Variants in TBC1D4 observed in about 807,000 individuals in gnomAD.
The protein encoded by TBC1D4 is TBC1 domain family member 4.
Under a neutral mutation model 142.5 loss-of-function variants are expected in TBC1D4, and 121 were observed. That is an observed-to-expected ratio of 0.85 (90% confidence interval 0.73 to 0.99). TBC1D4 has a LOEUF of 0.99. Among genes scored for constraint, TBC1D4 ranks in the 50% least tolerant of loss-of-function variants. The probability of loss-of-function intolerance (pLI) is 0.00; values close to 1 mark genes in which losing one functional copy is unlikely to be tolerated. For missense variants in TBC1D4, 1,475 were observed against 1,606.6 expected (o/e 0.92, Z 1.40); for synonymous variants, 630 against 628.2 (o/e 1.00, Z -0.04).
intron 1 of TBC1D4, among the ~76,000 whole-genome samples, chr13:75,420,680 C>A (rs1219530613): frequency 6.6e-6 from 1 of 152,162 alleles, no homozygotes; most frequent in Non-Finnish European, 1.5e-5. Context: ...TTTCAAATAA[C>A]CCCACACAAT....
At chr13:75,384,424 C>T (rs1884052838) in intron 1 of TBC1D4, among the ~76,000 whole-genome samples, 2 of 152,096 alleles carry the variant, frequency 1.3e-5, no homozygotes, top group African/African-American at 4.8e-5. Flanking sequence ...GAGCGAGACT[C>T]CATCTCAAAA....
At chr13:75,366,823 C>T (rs1450231034) in intron 1 of TBC1D4, 1 of 535,042 alleles carries the variant, frequency 1.9e-6, no homozygotes, top group African/African-American at 2.1e-5. Context: ...CAAAATAAAA[C>T]AAATTCTACA....
rs1224388955 is a variant in TBC1D4 at position 75,393,564 on chromosome 13, A to G, written c.499-30957T>C. On this transcript the variant is annotated intron_variant, in intron 1 of 20. Transcript: ENST00000377636. ...AGCAAATTTTTCAGTGCAACAATAC[A>G]GCGGTTTAGAGTTACCCAGACCTGA... Among the ~76,000 whole-genome samples the G allele has an allele frequency of 2.6e-5, 4 of 152,192 alleles. No individual in the cohort carries two copies. In the East Asian group the frequency reaches 7.7e-4, roughly 29 times the overall value.
At chr13:75,290,754 A>T (rs190163581) in intron 19 of TBC1D4, among the ~76,000 whole-genome samples, 24 of 152,300 alleles carry the variant, frequency 1.6e-4, no homozygotes, top group African/African-American at 5.3e-4. Flanking sequence ...CATATTGGTT[A>T]TATTTGCTCC....
Position 75,286,639 on chromosome 13 carries a change from G to A in TBC1D4, c.*153C>T, listed in dbSNP as rs2137812703. ...TGGCTTAGGATTGGCATGCTCTGAT[G>A]AGCACGAGGTCCACCTGCTGTGACT... On this transcript the variant is annotated 3_prime_UTR_variant, in exon 21 of 21. Coordinates refer to ENST00000377636, the MANE Select transcript of TBC1D4 (RefSeq NM_014832.5). 1.3e-6 allele frequency: 1 copy of A among 745,476 alleles called. No homozygotes were observed. Among genetic ancestry groups the A allele is most frequent in the Non-Finnish European group, 2.3e-6 (1 of 435,056 alleles). 46.2% of individuals were successfully genotyped at this position (745,476 alleles called of 1,614,324 possible). A position where few individuals can be genotyped will look rare whatever the true frequency, so the allele number is the denominator to read the frequency against.
chr13:75,289,969 G>T (rs1875114129), intron 19 of TBC1D4, among the ~76,000 whole-genome samples: 1 of 152,108 alleles, frequency 6.6e-6, no homozygotes, highest in Non-Finnish European at 1.5e-5. Context: ...TTTAATAAGA[G>T]AATTTCTAGA....
intron 12 of TBC1D4, 108 bp from the exon 13 acceptor site, chr13:75,313,006 C>G: frequency 8.0e-7 from 1 of 1,254,778 alleles, no homozygotes; most frequent in Non-Finnish European, 1.1e-6. Context: ...CGGGCAAGCA[C>G]AAGCCACAGG....
chr13:75,289,835 G>A lies in TBC1D4; in HGVS notation c.3487-725C>T, dbSNP rs61960550. Among the ~76,000 whole-genome samples, 245 of 152,256 alleles carry A rather than the reference G, an allele frequency of 1.6e-3. 3 individuals carry two copies. Among genetic ancestry groups the A allele is most frequent in the Non-Finnish European group, 7.5e-4 (51 of 68,018 alleles). ...ACAGTTACTCCAAACTTCCTAGGGGGAAGGAGAGACAACAGCTGCTATTCA... is the reference window on the plus strand; with the variant it reads ...ACAGTTACTCCAAACTTCCTAGGGGAAAGGAGAGACAACAGCTGCTATTCA... On this transcript the variant is annotated intron_variant, in intron 19 of 20. Coordinates refer to ENST00000377636, the MANE Select transcript of TBC1D4 (RefSeq NM_014832.5).
chr13:75,331,804 C>T (rs976520965), intron 8 of TBC1D4, among the ~76,000 whole-genome samples: 4 of 147,798 alleles, frequency 2.7e-5, no homozygotes, highest in Non-Finnish European at 6.0e-5. Context: ...GAGCTAAACT[C>T]CAAAACTGGA....
intron 17 of TBC1D4, among the ~76,000 whole-genome samples, chr13:75,298,744 T>C (rs958067397): frequency 6.6e-6 from 1 of 151,388 alleles, no homozygotes; most frequent in African/African-American, 2.4e-5. Flanking sequence ...CAAAGCAAGA[T>C]TCCATCACAC....
chr13:75,440,971 G>A (rs904735735), intron 1 of TBC1D4, among the ~76,000 whole-genome samples: 1 of 152,068 alleles, frequency 6.6e-6, no homozygotes, highest in African/African-American at 2.4e-5. Flanking sequence ...TTAAAAAAGA[G>A]GACAGGCCAG....
At chr13:75,323,081 T>G (rs895326977) in intron 11 of TBC1D4, among the ~76,000 whole-genome samples, 1 of 152,144 alleles carries the variant, frequency 6.6e-6, no homozygotes, top group African/African-American at 2.4e-5. Flanking sequence ...CAAGGATTAG[T>G]CTACTTTAAC....
intron 1 of TBC1D4, among the ~76,000 whole-genome samples, chr13:75,432,332 T>C (rs906954576): frequency 6.6e-6 from 1 of 152,196 alleles, no homozygotes; most frequent in Non-Finnish European, 1.5e-5. Context: ...CGTGAGACTA[T>C]GACTAAAAGG....
In TBC1D4 at chr13:75,326,399, G is replaced by T; in HGVS notation, c.1831C>A (p.Pro611Thr). ...GGTGGGGACGCTGGCGGTGTCCCTG[G>T]TGGAGAATCCCCTGGTGAGTAGTCC... The part of the protein sequence containing the change: ...EKDYSPGDSP[P>T]GTPPASPPSS... The change falls in exon 10 of 21, where the codon CCA becomes ACA. Residue 611 changes from proline to threonine, a missense_variant. Physicochemically the swap from Pro to Thr is conservative, Grantham distance 38. Around this residue, in one of 2 missense-constraint regions of TBC1D4, gnomAD observed 1,227 missense variants for 1,267.7 expected, o/e 0.97. Coordinates refer to ENST00000377636, the MANE Select transcript of TBC1D4 (RefSeq NM_014832.5). 1.9e-6 allele frequency: 3 copies of T among 1,614,154 alleles called. No homozygotes were observed. Among genetic ancestry groups the T allele is most frequent in the South Asian group, 2.2e-5 (2 of 91,082 alleles).
intron 1 of TBC1D4, among the ~76,000 whole-genome samples, chr13:75,367,304 CAAT>C (rs1882971716): frequency 6.6e-6 from 1 of 152,106 alleles, no homozygotes; most frequent in African/African-American, 2.4e-5. Context: ...ATCTACAGTA[CAAT>C]GTCTTTTTTA....
chr13:75,383,295 T>A (rs1294920883), intron 1 of TBC1D4, among the ~76,000 whole-genome samples: 1 of 152,110 alleles, frequency 6.6e-6, no homozygotes, highest in East Asian at 1.9e-4. Context: ...TACACTCCAG[T>A]CTGGGCAACA....
intron 1 of TBC1D4, among the ~76,000 whole-genome samples, chr13:75,406,375 A>G (rs1593851141): frequency 1.3e-5 from 2 of 152,206 alleles, no homozygotes; most frequent in East Asian, 1.9e-4. Flanking sequence ...TTGCCACCCA[A>G]TTCAACTTCT....
chr13:75,391,762 C>G (rs1046178163), intron 1 of TBC1D4, among the ~76,000 whole-genome samples: 3 of 152,192 alleles, frequency 2.0e-5, no homozygotes, highest in Non-Finnish European at 4.4e-5. Flanking sequence ...GCCCTACTCC[C>G]TCTCTGAGCT....
At chr13:75,390,262 A>G (rs1884395753) in intron 1 of TBC1D4, among the ~76,000 whole-genome samples, 1 of 141,064 alleles carries the variant, frequency 7.1e-6, no homozygotes, top group Non-Finnish European at 1.5e-5. Context: ...CCTAGGCGAC[A>G]GAGAGAGACT....
Sources: allele counts gnomAD v4.1 joint callset (sites outside exome capture counted in the v4.1 genomes callset), GRCh38; gene constraint gnomAD v4.1.1; regional missense constraint gnomAD v4.1.1; transcripts MANE v1.5; gene names NCBI Gene and HGNC (gene_info 2026-07-23, HGNC 2026-07-21).